Variants in EPHA6 observed in about 807,000 individuals in gnomAD.
EPHA6 encodes the protein ephrin type-A receptor 6.
EPHA6 carries 50 observed loss-of-function variants against 112.0 expected under a neutral mutation model. The ratio of observed to expected loss-of-function variants is 0.45; its 90% CI spans 0.36 to 0.56. The LOEUF is 0.56. EPHA6 is among the 20% of genes least tolerant of loss of function. The pLI is 0.00. For missense variants in EPHA6, 1,280 were observed against 1,417.4 expected, an observed-to-expected ratio of 0.90 and a Z score of 1.56; for synonymous variants, 529 against 490.7, an observed-to-expected ratio of 1.08 and a Z score of -1.03.
chr3:96,982,627 A>G (rs4428205), intron 2 of EPHA6, among the ~76,000 whole-genome samples: 152,057 of 152,110 alleles, frequency 1, 76,002 homozygotes, highest in Middle Eastern at 1. Flanking sequence ...TTTCTGTCTC[A>G]TTGATCTGTC....
chr3:97,067,108 CT>C (rs2046201868), intron 3 of EPHA6, among the ~76,000 whole-genome samples: 2 of 151,890 alleles, frequency 1.3e-5, no homozygotes, highest in African/African-American at 4.8e-5. Flanking sequence ...TCCCTTTGTC[CT>C]CAGTTATTTT....
intron 14 of EPHA6, among the ~76,000 whole-genome samples, chr3:97,657,086 T>C (rs1232641041): frequency 2.0e-5 from 3 of 151,962 alleles, no homozygotes; most frequent in African/African-American, 7.2e-5. Flanking sequence ...ATTTTCTTTT[T>C]ATGGAAGCTG....
intron 10 of EPHA6, among the ~76,000 whole-genome samples, chr3:97,510,228 T>C (rs1490340189): frequency 6.6e-6 from 1 of 152,228 alleles, no homozygotes; most frequent in Non-Finnish European, 1.5e-5. Flanking sequence ...TTTTGTTCCC[T>C]TGCTTGTGAG....
chr3:97,052,176 G>A (rs888137842), intron 3 of EPHA6, among the ~76,000 whole-genome samples: 1 of 152,034 alleles, frequency 6.6e-6, no homozygotes, highest in African/African-American at 2.4e-5. Flanking sequence ...GCTCTACAGT[G>A]CACACTGTTA....
intron 5 of EPHA6, among the ~76,000 whole-genome samples, chr3:97,361,324 T>A (rs1487179901): frequency 6.6e-6 from 1 of 152,282 alleles, no homozygotes; most frequent in East Asian, 1.9e-4. Context: ...TTTGCAAAAA[T>A]GATCAAGTGA....
chr3:96,863,734 G>C (rs2036141150), intron 1 of EPHA6, among the ~76,000 whole-genome samples: 2 of 151,858 alleles, frequency 1.3e-5, no homozygotes, highest in African/African-American at 4.8e-5. Flanking sequence ...ATATGTTTTA[G>C]AAACAATAAT....
intron 3 of EPHA6, among the ~76,000 whole-genome samples, chr3:97,126,245 G>A (rs1233590426): frequency 2.0e-5 from 3 of 152,112 alleles, no homozygotes; most frequent in African/African-American, 7.2e-5. Flanking sequence ...ACCCCCACCT[G>A]ATTCTAATGG....
intron 5 of EPHA6, among the ~76,000 whole-genome samples, chr3:97,387,866 T>C (rs1317254125): frequency 6.6e-6 from 1 of 152,160 alleles, no homozygotes; most frequent in East Asian, 1.9e-4. Flanking sequence ...CTGCAGGCTG[T>C]TCAGGACTCT....
At chr3:97,185,951 C>T (rs2108463418) in intron 3 of EPHA6, among the ~76,000 whole-genome samples, 1 of 151,460 alleles carries the variant, frequency 6.6e-6, no homozygotes, top group Non-Finnish European at 1.5e-5. Flanking sequence ...TCTGAGCAAA[C>T]TATCACAAGG....
At chr3:96,890,924 A>G (rs2037921552) in intron 2 of EPHA6, among the ~76,000 whole-genome samples, 1 of 152,134 alleles carries the variant, frequency 6.6e-6, no homozygotes, top group Non-Finnish European at 1.5e-5. Context: ...TGTCTCTACA[A>G]AAAATAGAAA....
At position 97,233,652 on chromosome 3, in the gene EPHA6, T is replaced by C. The variant is rs114454268; in HGVS notation, c.1270+7233T>C. Among the ~76,000 whole-genome samples, 975 of 152,336 alleles carry C rather than the reference T, an allele frequency of 6.4e-3. 11 individuals carry two copies. The highest frequency in any genetic ancestry group is 0.023 in the African/African-American group (940 of 41,578). On this transcript the variant is annotated intron_variant, in intron 4 of 17. Transcript: ENST00000389672. ...TATCTAAGAGTTGGAATTTAGATCA[T>C]CAGTCATTCCCATTACTATCTGGTG...
chr3:97,311,879 A>G (rs1002916290), intron 5 of EPHA6, among the ~76,000 whole-genome samples: 1 of 151,694 alleles, frequency 6.6e-6, no homozygotes, highest in Non-Finnish European at 1.5e-5. Flanking sequence ...ACCCACTAGA[A>G]TTTTGAATGA....
chr3:97,203,690 G>A (rs796638518), intron 3 of EPHA6, among the ~76,000 whole-genome samples: 9 of 152,198 alleles, frequency 5.9e-5, no homozygotes, highest in African/African-American at 1.9e-4. Context: ...CTTGAACTCG[G>A]AATCCATCTC....
chr3:97,237,436 C>G (rs995680923), intron 4 of EPHA6, among the ~76,000 whole-genome samples: 1 of 151,854 alleles, frequency 6.6e-6, no homozygotes, highest in Non-Finnish European at 1.5e-5. Flanking sequence ...GTTCTTTTAT[C>G]AAATAATCTG....
intron 2 of EPHA6, among the ~76,000 whole-genome samples, chr3:96,869,352 A>G (rs2036507049): frequency 6.6e-6 from 1 of 151,620 alleles, no homozygotes; most frequent in Non-Finnish European, 1.5e-5. Flanking sequence ...AATTGGGAAT[A>G]AGAAGTTGCA....
chr3:97,751,893 G>C lies in EPHA6; in HGVS notation c.*3192G>C, dbSNP rs1489291978. Among the ~76,000 whole-genome samples, 1 of 152,050 alleles carries C rather than the reference G, an allele frequency of 6.6e-6. No homozygotes were observed. Among genetic ancestry groups the C allele is most frequent in the Non-Finnish European group, 1.5e-5 (1 of 67,948 alleles). ...AAAAATCATTTTCATTTTATTTCTA[G>C]ATGGTCAATTTTGTCTATGGTGAAC... On this transcript the variant is annotated 3_prime_UTR_variant, in exon 18 of 18. Transcript: ENST00000389672.
At chr3:96,998,915 A>C (rs1559656824) in intron 3 of EPHA6, among the ~76,000 whole-genome samples, 1 of 151,954 alleles carries the variant, frequency 6.6e-6, no homozygotes, top group South Asian at 2.1e-4. Context: ...GACTATGCCT[A>C]GTTAAGAGTT....
At chr3:97,027,415 C>T (rs2044679009) in intron 3 of EPHA6, among the ~76,000 whole-genome samples, 1 of 151,950 alleles carries the variant, frequency 6.6e-6, no homozygotes, top group African/African-American at 2.4e-5. Context: ...TGTAATAAAA[C>T]TGTACCTGTA....
chr3:97,016,247 A>G (rs1179812233), intron 3 of EPHA6, among the ~76,000 whole-genome samples: 1 of 152,156 alleles, frequency 6.6e-6, no homozygotes, highest in Admixed American at 6.6e-5. Context: ...ACTTTAAACA[A>G]TTAATGTATC....
Sources: gnomAD v4.1 joint callset for allele counts (sites outside exome capture counted in the v4.1 genomes callset) on GRCh38, gnomAD v4.1.1 for gene constraint, MANE v1.5 for transcripts, NCBI Gene and HGNC (gene_info 2026-07-23, HGNC 2026-07-21) for gene names.